GPC5: variants seen among roughly 807,000 people sequenced by gnomAD.
GPC5 encodes the protein glypican-5.
Under a neutral mutation model 53.9 loss-of-function variants are expected in GPC5, and 47 were observed. The observed-to-expected ratio is 0.87, with a 90% CI of 0.69 to 1.11. GPC5 has a LOEUF of 1.11. Ranked by LOEUF, GPC5 falls within the 50% of genes most tolerant of loss-of-function variation. The probability of loss-of-function intolerance (pLI) is 0.00; values close to 1 mark genes in which losing one functional copy is unlikely to be tolerated. For synonymous variants in GPC5, 286 were observed against 263.3 expected (o/e 1.09, Z -0.84); for missense variants, 748 against 713.1 (o/e 1.05, Z -0.56).
intron 7 of GPC5, among the ~76,000 whole-genome samples, chr13:92,546,726 A>G (rs1324893669): frequency 6.6e-6 from 1 of 152,240 alleles, no homozygotes; most frequent in African/African-American, 2.4e-5. Context: ...CCTAAGCCAA[A>G]AGAACAAAGC....
At chr13:92,556,210 C>T (rs1171757949) in intron 7 of GPC5, among the ~76,000 whole-genome samples, 1 of 151,702 alleles carries the variant, frequency 6.6e-6, no homozygotes, top group Non-Finnish European at 1.5e-5. Flanking sequence ...TGTAATGAAT[C>T]TACATTCATG....
chr13:92,077,438 C>T (rs1469864392), intron 6 of GPC5, among the ~76,000 whole-genome samples: 2 of 152,030 alleles, frequency 1.3e-5, no homozygotes, highest in Non-Finnish European at 2.9e-5. Flanking sequence ...TGATCTGAGC[C>T]CTAATTCCTA....
chr13:92,312,011 A>T (rs1487473534), intron 7 of GPC5, among the ~76,000 whole-genome samples: 1 of 152,100 alleles, frequency 6.6e-6, no homozygotes, highest in Non-Finnish European at 1.5e-5. Context: ...ACAAGGAGAG[A>T]ACGGAATAAG....
intron 2 of GPC5, among the ~76,000 whole-genome samples, chr13:91,683,887 T>G (rs1235559972): frequency 6.6e-6 from 1 of 152,230 alleles, no homozygotes; most frequent in Non-Finnish European, 1.5e-5. Context: ...GCTTCCATTA[T>G]AGCAAACATT....
chr13:92,787,810 G>A (rs1876308364), intron 7 of GPC5, among the ~76,000 whole-genome samples: 1 of 150,786 alleles, frequency 6.6e-6, no homozygotes, highest in African/African-American at 2.4e-5. Context: ...CTGGGAGTTT[G>A]AGGCTGCAGT....
chr13:91,406,650 C>T (rs1432934226), intron 1 of GPC5, among the ~76,000 whole-genome samples: 3 of 152,218 alleles, frequency 2.0e-5, no homozygotes, highest in Non-Finnish European at 2.9e-5. Context: ...CCAGACACTT[C>T]CCAATTTCTA....
At chr13:92,153,446 CT>C (rs1000240993) in intron 7 of GPC5, among the ~76,000 whole-genome samples, 1 of 152,134 alleles carries the variant, frequency 6.6e-6, no homozygotes, top group African/African-American at 2.4e-5. Context: ...CCTTCATTTC[CT>C]TTTACCAAAG....
intron 7 of GPC5, among the ~76,000 whole-genome samples, chr13:92,454,219 C>A (rs565334323): frequency 5.9e-5 from 9 of 152,164 alleles, no homozygotes; most frequent in African/African-American, 2.2e-4. Flanking sequence ...TTTTTGAATC[C>A]GTGAGGACAT....
chr13:92,716,391 C>G (rs7987140), intron 7 of GPC5, among the ~76,000 whole-genome samples: 7,835 of 151,906 alleles, frequency 0.052, 589 homozygotes, highest in East Asian at 0.32. Flanking sequence ...CTACTTTCCT[C>G]TCATCTTTCA....
intron 5 of GPC5, among the ~76,000 whole-genome samples, chr13:91,850,772 G>A (rs548420948): frequency 4.6e-5 from 7 of 151,580 alleles, no homozygotes; most frequent in African/African-American, 1.7e-4. Flanking sequence ...TAGAAAAAAA[G>A]ATGATTGTTG....
At chr13:92,102,057 G>A (rs894846974) in intron 6 of GPC5, among the ~76,000 whole-genome samples, 1 of 152,096 alleles carries the variant, frequency 6.6e-6, no homozygotes, top group African/African-American at 2.4e-5. Context: ...TACATACTTG[G>A]CATTCATAAG....
chr13:91,934,904 A>C (rs1196588627), intron 6 of GPC5, among the ~76,000 whole-genome samples: 3 of 151,998 alleles, frequency 2.0e-5, no homozygotes, highest in African/African-American at 4.8e-5. Flanking sequence ...TTATCTCCAG[A>C]TCTACTATGG....
At chr13:91,806,281 CACCTTGGCCTCCCA>C (rs2038219911) in intron 5 of GPC5, among the ~76,000 whole-genome samples, 1 of 151,860 alleles carries the variant, frequency 6.6e-6, no homozygotes, top group African/African-American at 2.4e-5. Flanking sequence ...ACAATCCACC[CACCTTGGCCTCCCA>C]AAGTGGTAGG....
chr13:92,499,049 G>A (rs958871082), intron 7 of GPC5, among the ~76,000 whole-genome samples: 3 of 152,060 alleles, frequency 2.0e-5, no homozygotes, highest in East Asian at 3.9e-4. Flanking sequence ...AGAGTGTGAT[G>A]TGTGGGACCA....
At chr13:92,586,608 G>A (rs1281973351) in intron 7 of GPC5, among the ~76,000 whole-genome samples, 1 of 152,206 alleles carries the variant, frequency 6.6e-6, no homozygotes, top group African/African-American at 2.4e-5. Context: ...AAAACACCCA[G>A]TGAGCTCAGC....
At chr13:92,799,789 A>AGTC in intron 7 of GPC5, among the ~76,000 whole-genome samples, 1 of 151,922 alleles carries the variant, frequency 6.6e-6, no homozygotes, top group Middle Eastern at 3.4e-3. Flanking sequence ...AATGTCTATC[A>AGTC]GTCGCTTTTC....
chr13:92,675,058 A>G (rs1398561903), intron 7 of GPC5, among the ~76,000 whole-genome samples: 1 of 152,134 alleles, frequency 6.6e-6, no homozygotes, highest in African/African-American at 2.4e-5. Flanking sequence ...ACCAGTAAAT[A>G]AACCTATGTC....
chr13:92,808,267 T>G (rs1166369007), intron 7 of GPC5, among the ~76,000 whole-genome samples: 1 of 152,146 alleles, frequency 6.6e-6, no homozygotes, highest in Non-Finnish European at 1.5e-5. Flanking sequence ...TACTTTCTCT[T>G]TAAGAAACTT....
At chr13:92,359,868 T>G (rs1010201288) in intron 7 of GPC5, among the ~76,000 whole-genome samples, 1 of 151,710 alleles carries the variant, frequency 6.6e-6, no homozygotes, top group African/African-American at 2.4e-5. Flanking sequence ...GGATTAAAAT[T>G]TGACATGAGA....
Sources: allele counts gnomAD v4.1 joint callset (sites outside exome capture counted in the v4.1 genomes callset), GRCh38; gene constraint gnomAD v4.1.1; transcripts MANE v1.5; gene names NCBI Gene and HGNC (gene_info 2026-07-23, HGNC 2026-07-21).